ACTR6: variants seen among roughly 807,000 people sequenced by gnomAD.
The protein encoded by ACTR6 is actin-related protein 6.
ACTR6 carries 50 observed loss-of-function variants against 52.5 expected under a neutral mutation model. The ratio of observed to expected loss-of-function variants is 0.95; its 90% CI spans 0.76 to 1.20. ACTR6 has a LOEUF of 1.20. Among genes scored for constraint, ACTR6 ranks in the 50% most tolerant of loss-of-function variants. ACTR6 has a pLI of 0.00. For missense variants in ACTR6, 344 were observed against 472.4 expected (o/e 0.73, Z 2.52); for synonymous variants, 135 against 147.2 (o/e 0.92, Z 0.60).
chr12:100,221,369 C>A (rs1336595175), intron 10 of ACTR6, among the ~76,000 whole-genome samples: 2 of 152,046 alleles, frequency 1.3e-5, no homozygotes. Context: ...TCTTTTATAG[C>A]TATGAGATAA....
chr12:100,201,931 ATTTTT>A (rs572978105), intron 1 of ACTR6, among the ~76,000 whole-genome samples: 1 of 140,760 alleles, frequency 7.1e-6, no homozygotes. Flanking sequence ...TGACAAAGCA[ATTTTT>A]TTTTTTTTTT....
intron 8 of ACTR6, among the ~76,000 whole-genome samples, chr12:100,214,545 G>C (rs1776445348): frequency 6.7e-6 from 1 of 148,494 alleles, no homozygotes; most frequent in Admixed American, 6.8e-5. Flanking sequence ...CAGCAACAAA[G>C]TGAGACCCTG....
Position 100,213,507 on chromosome 12 carries a change from T to C in ACTR6, c.750+979T>C, listed in dbSNP as rs74240147. Among the ~76,000 whole-genome samples, 202 of 152,352 alleles carry C rather than the reference T, an allele frequency of 1.3e-3. 1 individual carries two copies. The East Asian group carries it at 0.03, about 23-fold the overall frequency. ...AGAAAAAGAACTATCAGCCAAAAGA[T>C]AGCACATAGGGCAAATCTGGAGATA... is the stretch of plus-strand genomic sequence containing the variant. On this transcript the variant is annotated intron_variant, in intron 8 of 10. Coordinates refer to ENST00000188312, the MANE Select transcript of ACTR6 (RefSeq NM_022496.5).
chr12:100,207,638 CA>C (rs746150066), intron 3 of ACTR6, 24 bp from the exon 4 acceptor site: 47 of 1,398,846 alleles, frequency 3.4e-5, no homozygotes, highest in African/African-American at 5.8e-5. Flanking sequence ...AATTATGAAA[CA>C]TTTTGGAATG....
intron 6 of ACTR6, 126 bp from the exon 7 acceptor site, chr12:100,212,130 C>T (rs896089380): frequency 2.2e-5 from 14 of 624,716 alleles, no homozygotes; most frequent in African/African-American, 5.6e-5. Flanking sequence ...TTATTTTACA[C>T]ATTCAAGAAT....
chr12:100,215,439 A>G (rs1452210970), intron 8 of ACTR6, among the ~76,000 whole-genome samples: 1 of 152,162 alleles, frequency 6.6e-6, no homozygotes, highest in African/African-American at 2.4e-5. Context: ...CCAGTTGACC[A>G]TTACTTTACT....
At chr12:100,208,028 ACACG>A in intron 4 of ACTR6, 1 of 339,736 alleles carries the variant, frequency 2.9e-6, no homozygotes, top group East Asian at 7.4e-5. Flanking sequence ...GGGCATGGTG[ACACG>A]CACCTGTAGT....
At chr12:100,208,852 T>A in intron 4 of ACTR6, 1 of 446,982 alleles carries the variant, frequency 2.2e-6, no homozygotes, top group Non-Finnish European at 4.5e-6. Context: ...GCTCAAGGGA[T>A]CCTCCCGCCT....
In ACTR6 at chr12:100,218,895, T is replaced by C. The variant is rs1407748541; in HGVS notation, c.922+309T>C. On this transcript the variant is annotated intron_variant, in intron 9 of 10. Coordinates refer to ENST00000188312, the MANE Select transcript of ACTR6 (RefSeq NM_022496.5). The surrounding 1 kb of genome is among the most constrained non-coding windows in gnomAD (Gnocchi z 4.2). Reference sequence around the variant, plus strand: ...AAAGTTTTAATTTAACCCAGATCTGTACAGAATATAAATTTATAATGTAAC... The same window carrying C: ...AAAGTTTTAATTTAACCCAGATCTGCACAGAATATAAATTTATAATGTAAC... 6.6e-6 allele frequency among the ~76,000 whole-genome samples: 1 copy of C among 152,082 alleles called. No individual in the cohort carries two copies. The highest frequency in any genetic ancestry group is 1.9e-4 in the East Asian group (1 of 5,192).
chr12:100,203,420 C>T (rs1216877970), intron 1 of ACTR6, among the ~76,000 whole-genome samples: 1 of 152,120 alleles, frequency 6.6e-6, no homozygotes, highest in Non-Finnish European at 1.5e-5. Context: ...TCTCCTGCCT[C>T]AGCCTCCCCA....
intron 10 of ACTR6, among the ~76,000 whole-genome samples, chr12:100,222,258 T>G (rs977144732): frequency 3.3e-5 from 2 of 60,728 alleles, no homozygotes; most frequent in East Asian, 2.3e-4. Flanking sequence ...TGGCTTTGGG[T>G]TTTTTTTTTT....
chr12:100,205,751 A>C lies in ACTR6; in HGVS notation c.255+7A>C, dbSNP rs774689043. 6.2e-6 allele frequency: 9 copies of C among 1,446,570 alleles called. No homozygotes were observed. The highest frequency in any genetic ancestry group is 8.3e-6 in the Non-Finnish European group (9 of 1,080,964). The allele number at this position is 1,446,570 out of a possible 1,614,324, so 89.6% of individuals were successfully genotyped here. A position where few individuals can be genotyped will look rare whatever the true frequency, so the allele number is the denominator to read the frequency against. On this transcript the variant is annotated splice_region_variant and intron_variant, in intron 3 of 10. Coordinates refer to ENST00000188312, the MANE Select transcript of ACTR6 (RefSeq NM_022496.5). The stretch of plus-strand genomic sequence containing the variant: ...TGGAAAAGAAATGTATCAGGTAACA[A>C]ATTAGAGTATGTATTAAAATTCTAT...
chr12:100,221,350 G>C (rs563737065), intron 10 of ACTR6, among the ~76,000 whole-genome samples: 2 of 152,174 alleles, frequency 1.3e-5, no homozygotes, highest in African/African-American at 4.8e-5. Flanking sequence ...GCCCTCATTG[G>C]TATCACTTTC....
chr12:100,203,490 A>AGAT (rs562856488), intron 1 of ACTR6, among the ~76,000 whole-genome samples: 335 of 151,860 alleles, frequency 2.2e-3, no homozygotes, highest in African/African-American at 7.7e-3. Context: ...TTTTTAGTAG[A>AGAT]GATGGGGTTT....
At position 100,210,285 on chromosome 12, in the gene ACTR6, C is replaced by T. The variant is rs1387486722; in HGVS notation, c.516-10C>T. On this transcript the variant is annotated splice_polypyrimidine_tract_variant and intron_variant, in intron 5 of 10. Transcript: ENST00000188312. Reference sequence around the variant, plus strand: ...TGTGCGATAATTAAATTTGAGTTCTCCCCTTGCAGGATAAATGTGGGAGGA... The same window carrying T: ...TGTGCGATAATTAAATTTGAGTTCTTCCCTTGCAGGATAAATGTGGGAGGA... 1 of 1,613,608 alleles carries T rather than the reference C, an allele frequency of 6.2e-7. No homozygotes were observed. The highest frequency in any genetic ancestry group is 8.5e-7 in the Non-Finnish European group (1 of 1,179,758).
chr12:100,203,582 CTG>C (rs2096111740), intron 1 of ACTR6: 1 of 151,280 alleles, frequency 6.6e-6, no homozygotes, highest in Non-Finnish European at 1.5e-5. Context: ...GGATTACATG[CTG>C]TGAGCCACTG....
Position 100,215,827 on chromosome 12 carries a change from ATATT to A in ACTR6, c.751-2582_751-2579del, listed in dbSNP as rs576836389. ...TGATTTTAATACTTGATTAAAATAA[ATATT>A]TATTTGAGAGCCTTTATTCCTAGGG... On this transcript the variant is annotated intron_variant, in intron 8 of 10. Coordinates refer to ENST00000188312, the MANE Select transcript of ACTR6 (RefSeq NM_022496.5). 7.9e-5 allele frequency among the ~76,000 whole-genome samples: 12 copies of A among 152,316 alleles called. No individual in the cohort carries two copies. The East Asian group carries it at 1.7e-3, about 22-fold the overall frequency.
intron 4 of ACTR6, among the ~76,000 whole-genome samples, chr12:100,208,459 G>C (rs1386482283): frequency 2.6e-5 from 4 of 151,824 alleles, no homozygotes; most frequent in African/African-American, 9.7e-5. Context: ...ATTTTTAGTA[G>C]AGATGGAGTT....
At chr12:100,213,242 G>A (rs1256529644) in intron 8 of ACTR6, among the ~76,000 whole-genome samples, 1 of 151,998 alleles carries the variant, frequency 6.6e-6, no homozygotes, top group East Asian at 2.0e-4. Flanking sequence ...GCAGGCATGT[G>A]CCACCACGCC....
Sources: gnomAD v4.1 joint callset for allele counts (sites outside exome capture counted in the v4.1 genomes callset) on GRCh38, gnomAD v4.1.1 for gene constraint, Gnocchi (gnomAD v3.1) non-coding constraint, MANE v1.5 for transcripts, NCBI Gene and HGNC (gene_info 2026-07-23, HGNC 2026-07-21) for gene names.